CDH18: variants seen among roughly 807,000 people sequenced by gnomAD.
The protein encoded by CDH18 is cadherin 18.
CDH18 carries 31 observed loss-of-function variants against 67.9 expected under a neutral mutation model. The observed-to-expected ratio is 0.46, with a 90% CI of 0.34 to 0.62. CDH18 has a LOEUF of 0.62. Among genes scored for constraint, CDH18 ranks in the 20% least tolerant of loss-of-function variants. The pLI, the probability that CDH18 is intolerant of heterozygous loss-of-function variation, is 0.01. For synonymous variants in CDH18, 362 were observed against 347.2 expected (o/e 1.04, Z -0.48); for missense variants, 890 against 975.5 (o/e 0.91, Z 1.17).
chr5:20,235,746 A>G (rs1010730058), intron 2 of CDH18, among the ~76,000 whole-genome samples: 2 of 152,206 alleles, frequency 1.3e-5, no homozygotes, highest in Non-Finnish European at 2.9e-5. Flanking sequence ...GAATTGAACT[A>G]CCATTTGATC....
chr5:19,879,271 G>A (rs993355547), intron 2 of CDH18, among the ~76,000 whole-genome samples: 1 of 151,846 alleles, frequency 6.6e-6, no homozygotes, highest in East Asian at 1.9e-4. Flanking sequence ...CAATTCTTAA[G>A]GTAAATAACA....
chr5:20,152,290 A>G (rs961731909), intron 2 of CDH18, among the ~76,000 whole-genome samples: 1 of 147,368 alleles, frequency 6.8e-6, no homozygotes, highest in Non-Finnish European at 1.5e-5. Flanking sequence ...TTATATATAT[A>G]TTGGGCTTGA....
At chr5:19,744,884 C>T (rs1274229585) in intron 4 of CDH18, among the ~76,000 whole-genome samples, 1 of 152,082 alleles carries the variant, frequency 6.6e-6, no homozygotes, top group Admixed American at 6.6e-5. Flanking sequence ...GGCTTTAAAA[C>T]TTTACCAGGA....
At position 19,556,503 on chromosome 5, in the gene CDH18, T is replaced by C. The variant is rs192662304; in HGVS notation, c.1254-12498A>G. ...GCACTGGAAAGTCTCAGCAATGGAA[T>C]TGAACAAATAGAAGAAAAAACTTTA... is the stretch of plus-strand genomic sequence containing the variant. On this transcript the variant is annotated intron_variant, in intron 8 of 12. Coordinates refer to ENST00000382275, the MANE Select transcript of CDH18 (RefSeq NM_004934.5). Among the ~76,000 whole-genome samples the C allele has an allele frequency of 1.1e-4, 16 of 152,058 alleles. No individual in the cohort carries two copies. The East Asian group carries it at 2.9e-3, about 28-fold the overall frequency.
chr5:19,489,397 G>A (rs754043179), intron 11 of CDH18, among the ~76,000 whole-genome samples: 46 of 151,686 alleles, frequency 3.0e-4, no homozygotes, highest in Middle Eastern at 6.8e-3. Flanking sequence ...ACAGGCGCCC[G>A]CCACCACACC....
intron 1 of CDH18, among the ~76,000 whole-genome samples, chr5:20,290,299 CAGCT>C (rs755311400): frequency 1.3e-5 from 2 of 152,132 alleles, no homozygotes; most frequent in Non-Finnish European, 2.9e-5. Context: ...TCAACACACA[CAGCT>C]AGCATCAAAA....
chr5:19,747,136 A>C lies in CDH18; in HGVS notation c.329T>G (p.Ile110Ser). 6.2e-7 allele frequency: 1 copy of C among 1,614,068 alleles called. No individual in the cohort carries two copies. Among genetic ancestry groups the C allele is most frequent in the Non-Finnish European group, 8.5e-7 (1 of 1,179,966 alleles). Residue 110 changes from isoleucine to serine, a missense_variant, in exon 4 of 13, where the codon ATC (isoleucine) becomes AGC (serine). Around this residue, in one of 2 missense-constraint regions of CDH18, gnomAD observed 234 missense variants for 307.4 expected, o/e 0.76. Coordinates refer to ENST00000382275, the MANE Select transcript of CDH18 (RefSeq NM_004934.5). ...IFIIDDTTGD[I>S]HSTKSLDREQ... ...TCTGTCTAGGCTTTTTGTTGAGTGG[A>C]TATCACCCGTGGTATCGTCAATGAT...
chr5:20,355,737 T>C (rs556166504), intron 1 of CDH18, among the ~76,000 whole-genome samples: 1 of 152,338 alleles, frequency 6.6e-6, no homozygotes, highest in Non-Finnish European at 1.5e-5. Flanking sequence ...GCTAAGTGTT[T>C]ATGCATCTGA....
At chr5:20,097,571 T>G (rs569472854) in intron 2 of CDH18, among the ~76,000 whole-genome samples, 1 of 152,130 alleles carries the variant, frequency 6.6e-6, no homozygotes, top group Non-Finnish European at 1.5e-5. Context: ...GGTGGAGATA[T>G]AGCCAAACCA....
intron 1 of CDH18, among the ~76,000 whole-genome samples, chr5:20,385,820 G>T (rs1744269100): frequency 6.6e-6 from 1 of 152,190 alleles, no homozygotes; most frequent in African/African-American, 2.4e-5. Context: ...AGCAGAAATT[G>T]TAACTATATG....
chr5:19,752,152 G>A (rs1230350391), intron 3 of CDH18, among the ~76,000 whole-genome samples: 1 of 152,142 alleles, frequency 6.6e-6, no homozygotes, highest in East Asian at 1.9e-4. Context: ...CAAAATACAG[G>A]GGTAGAGGAA....
At chr5:20,564,091 T>C (rs950295894) in intron 1 of CDH18, among the ~76,000 whole-genome samples, 3 of 151,930 alleles carry the variant, frequency 2.0e-5, no homozygotes, top group African/African-American at 7.2e-5. Context: ...CTTAGCATAG[T>C]AATAATTATA....
intron 1 of CDH18, among the ~76,000 whole-genome samples, chr5:20,453,780 C>G (rs1041414610): frequency 6.6e-6 from 1 of 151,964 alleles, no homozygotes; most frequent in Non-Finnish European, 1.5e-5. Context: ...TTGAGCAAAC[C>G]AGTATCTTCT....
intron 5 of CDH18, among the ~76,000 whole-genome samples, chr5:19,680,040 T>C (rs1760053562): frequency 6.6e-6 from 1 of 151,906 alleles, no homozygotes; most frequent in African/African-American, 2.4e-5. Flanking sequence ...CTTCAAACTA[T>C]ACTAAAAGGA....
chr5:20,232,223 C>T (rs1376531547), intron 2 of CDH18, among the ~76,000 whole-genome samples: 1 of 151,188 alleles, frequency 6.6e-6, no homozygotes, highest in African/African-American at 2.4e-5. Context: ...TAGACTGAAT[C>T]TAAGAAGAAG....
At chr5:19,837,973 G>C (rs939873342) in intron 3 of CDH18, among the ~76,000 whole-genome samples, 5 of 152,094 alleles carry the variant, frequency 3.3e-5, no homozygotes, top group Admixed American at 6.6e-5. Flanking sequence ...CTAGAGCCTA[G>C]ATGACACATG....
intron 1 of CDH18, among the ~76,000 whole-genome samples, chr5:20,417,573 A>G (rs1747419907): frequency 6.6e-6 from 1 of 152,186 alleles, no homozygotes; most frequent in Non-Finnish European, 1.5e-5. Flanking sequence ...GTATGTAGTA[A>G]TCAGAGGAAG....
chr5:20,546,805 T>A (rs1224738780), intron 1 of CDH18, among the ~76,000 whole-genome samples: 1 of 151,798 alleles, frequency 6.6e-6, no homozygotes, highest in Non-Finnish European at 1.5e-5. Context: ...AGATAGAGAT[T>A]TGCCACAGGC....
intron 5 of CDH18, among the ~76,000 whole-genome samples, chr5:19,667,946 C>T (rs1200219378): frequency 6.6e-6 from 1 of 151,328 alleles, no homozygotes; most frequent in African/African-American, 2.4e-5. Flanking sequence ...GTGGCCTGCC[C>T]GATAAAAAAT....
Sources: gnomAD v4.1 joint callset for allele counts (sites outside exome capture counted in the v4.1 genomes callset) on GRCh38, gnomAD v4.1.1 for gene constraint, gnomAD v4.1.1 regional missense constraint, MANE v1.5 for transcripts, NCBI Gene and HGNC (gene_info 2026-07-23, HGNC 2026-07-21) for gene names.